The following SLC12A6 variants were observed in gnomAD, a reference collection of about 807,000 sequenced individuals.
The protein encoded by SLC12A6 is K-Cl cotransporter 3.
In SLC12A6, 66 loss-of-function variants were observed where a neutral mutation model predicts 135.3. That is an observed-to-expected ratio of 0.49 (90% CI 0.40 to 0.60). The LOEUF is 0.60. Among genes scored for constraint, SLC12A6 ranks in the 20% least tolerant of loss-of-function variants. The probability of loss-of-function intolerance (pLI) is 0.00; values close to 1 mark genes in which losing one functional copy is unlikely to be tolerated. For synonymous variants in SLC12A6, 513 were observed against 508.8 expected (o/e 1.01, Z -0.11); for missense variants, 1,058 against 1,452.3 (o/e 0.73, Z 4.41).
At chr15:34,259,000 T>G in intron 4 of SLC12A6, 56 bp from the exon 5 acceptor site, 1 of 1,423,936 alleles carries the variant, frequency 7.0e-7, no homozygotes, top group Non-Finnish European at 9.9e-7. Context: ...AACATAAGTA[T>G]CAAAATAATC....
At position 34,260,963 on chromosome 15, in the gene SLC12A6, CCTT is replaced by C; in HGVS notation, c.371_373del (p.Glu124del). The C allele has an allele frequency of 6.4e-7, 1 of 1,563,862 alleles. No homozygotes were observed. Among genetic ancestry groups the C allele is most frequent in the Non-Finnish European group, 8.8e-7 (1 of 1,134,374 alleles). ...CAAATTTTTATCAAAATATTCATCTCCTTCTTCATAATTGGAATTATTGAGATA... is the reference window on the plus strand; with the variant it reads ...CAAATTTTTATCAAAATATTCATCTCCTTCATAATTGGAATTATTGAGATA... On this transcript the variant is annotated inframe_deletion, in exon 4 of 26. Coordinates refer to ENST00000354181, the MANE Select transcript of SLC12A6 (RefSeq NM_001365088.1).
chr15:34,261,068 G>A (rs897456984), intron 3 of SLC12A6, 48 bp from the exon 4 acceptor site: 5 of 943,048 alleles, frequency 5.3e-6, no homozygotes, highest in Middle Eastern at 2.1e-4. Flanking sequence ...GGTTTCTGAC[G>A]AAGAAACATC....
chr15:34,264,621 G>A (rs1159452091), intron 3 of SLC12A6, among the ~76,000 whole-genome samples: 2 of 152,022 alleles, frequency 1.3e-5, no homozygotes, highest in East Asian at 1.9e-4. Flanking sequence ...AGGTAAAAAG[G>A]CATTTTTGAA....
At chr15:34,258,984 A>G (rs1306698005) in intron 4 of SLC12A6, 40 bp from the exon 5 acceptor site, 2 of 1,534,694 alleles carry the variant, frequency 1.3e-6, no homozygotes, top group African/African-American at 2.7e-5. Flanking sequence ...GCTACAAAGA[A>G]CACTGAACAT....
intron 16 of SLC12A6, 39 bp from the exon 17 acceptor site, chr15:34,242,260 C>A (rs1891693844): frequency 6.6e-7 from 1 of 1,508,022 alleles, no homozygotes; most frequent in South Asian, 1.1e-5. Context: ...TTTAAAGTAG[C>A]TGAAAAAGAA....
intron 23 of SLC12A6, 147 bp from the exon 24 acceptor site, chr15:34,236,346 C>T: frequency 1.4e-6 from 1 of 708,828 alleles, no homozygotes; most frequent in Non-Finnish European, 2.5e-6. Flanking sequence ...ATAGTATCAT[C>T]CCTTTTTTTT....
chr15:34,257,576 C>A, intron 6 of SLC12A6, 66 bp downstream of exon 6: 1 of 1,184,154 alleles, frequency 8.4e-7, no homozygotes, highest in South Asian at 1.2e-5. Context: ...CCAAAGAGGT[C>A]ATGTGCATCT....
In SLC12A6 at chr15:34,234,884, C is replaced by A. The variant is rs73388020; in HGVS notation, c.3361+297G>T. Among the ~76,000 whole-genome samples the A allele has an allele frequency of 0.17, 25,396 of 152,002 alleles. 2,204 individuals carry two copies. Among genetic ancestry groups the A allele is most frequent in the East Asian group, 0.31 (1,578 of 5,166 alleles). ...GCAAAGCGGGTAGAACCTAAAAAGG[C>A]GAAAGGATGTGGGTATGCTGTCTGT... On this transcript the variant is annotated intron_variant, in intron 25 of 25. Transcript: ENST00000354181.
chr15:34,242,047 C>T (rs2140669676), intron 17 of SLC12A6, 55 bp downstream of exon 17: 2 of 1,450,864 alleles, frequency 1.4e-6, no homozygotes, highest in Non-Finnish European at 1.9e-6. Flanking sequence ...TGGCTCTAAC[C>T]AAACTAGCTA....
At chr15:34,250,392 C>T in intron 12 of SLC12A6, 37 bp from the exon 13 acceptor site, 1 of 1,340,346 alleles carries the variant, frequency 7.5e-7, no homozygotes, top group East Asian at 2.3e-5. Flanking sequence ...GTTGTTTACC[C>T]TCTAACATGA....
rs144158165 is a variant in SLC12A6 at position 34,285,717 on chromosome 15, T to TATACACACACACACACACACA, written c.272-10329_272-10328insTGTGTGTGTGTGTGTGTGTAT. On this transcript the variant is annotated intron_variant, in intron 2 of 25. Transcript: ENST00000354181. ...ATGTGTGTGTGTGTGTGTGTGTTTG[T>TATACACACACACACACACACA]CATACATAAAATGGAATATTATTCA... Among the ~76,000 whole-genome samples the TATACACACACACACACACACA allele has an allele frequency of 8.8e-3, 1,154 of 131,034 alleles. 15 individuals carry two copies. The highest frequency in any genetic ancestry group is 0.025 in the African/African-American group (827 of 33,616). The allele number at this position is 131,034 out of a possible 152,430, so 86.0% of individuals were successfully genotyped here. A position where few individuals can be genotyped will look rare whatever the true frequency, so the allele number is the denominator to read the frequency against.
chr15:34,272,732 C>CTA (rs1894049963), intron 3 of SLC12A6, among the ~76,000 whole-genome samples: 1 of 152,190 alleles, frequency 6.6e-6, no homozygotes, highest in Non-Finnish European at 1.5e-5. Context: ...CTACAGTTCC[C>CTA]CAGGTATCCT....
chr15:34,261,956 G>A (rs2126420), intron 3 of SLC12A6, among the ~76,000 whole-genome samples: 65,628 of 152,084 alleles, frequency 0.43, 16,743 homozygotes, highest in African/African-American at 0.73. Context: ...AGATTCCTCA[G>A]AGAACTTAGA....
chr15:34,271,108 T>C (rs1346016364), intron 3 of SLC12A6, among the ~76,000 whole-genome samples: 1 of 151,988 alleles, frequency 6.6e-6, no homozygotes, highest in Non-Finnish European at 1.5e-5. Context: ...TCAAGATGAG[T>C]GGGGGGAGAC....
In SLC12A6 at chr15:34,233,926, T is replaced by C. The variant is rs1891082729; in HGVS notation, c.3408A>G (p.Leu1136=). ...EVLTEGLERV[L]LVRGGGSEVI... ...CTTCACTGCCACCACCCCGGACAAG[T>C]AGGACTCGCTCTAGTCCCTCGGTAA... The change falls in exon 26 of 26, where the codon CTA becomes CTG. Residue 1136 remains leucine (L), a synonymous_variant. Coordinates refer to ENST00000354181, the MANE Select transcript of SLC12A6 (RefSeq NM_001365088.1). The C allele has an allele frequency of 3.1e-6, 5 of 1,607,134 alleles. No homozygotes were observed. Among genetic ancestry groups the C allele is most frequent in the African/African-American group, 1.3e-5 (1 of 74,770 alleles).
Position 34,235,512 on chromosome 15 carries a change from G to A in SLC12A6, c.3228-198C>T, listed in dbSNP as rs111930900. ...TGCAATGGTACAATCTCAGCTCACAGCAACCTCCGCCTCCCAGGTTCAAGT... is the reference window on the plus strand; with the variant it reads ...TGCAATGGTACAATCTCAGCTCACAACAACCTCCGCCTCCCAGGTTCAAGT... On this transcript the variant is annotated intron_variant, in intron 24 of 25. Transcript: ENST00000354181. 0.11 allele frequency among the ~76,000 whole-genome samples: 16,439 copies of A among 147,212 alleles called. 1,005 individuals are homozygous for A. Among genetic ancestry groups the A allele is most frequent in the East Asian group, 0.3 (1,498 of 5,004 alleles).
intron 2 of SLC12A6, among the ~76,000 whole-genome samples, chr15:34,283,299 C>T (rs879489787): frequency 1.3e-5 from 2 of 152,074 alleles, no homozygotes; most frequent in African/African-American, 2.4e-5. Context: ...CCGGAGACTG[C>T]ACCATTGCAC....
intron 2 of SLC12A6, among the ~76,000 whole-genome samples, chr15:34,286,166 C>T (rs1379230481): frequency 6.6e-6 from 1 of 151,922 alleles, no homozygotes; most frequent in Non-Finnish European, 1.5e-5. Context: ...CGCCGCCTCC[C>T]GGGTTCAAGC....
At chr15:34,249,899 TAACTC>T (rs1374097884) in intron 13 of SLC12A6, among the ~76,000 whole-genome samples, 1 of 152,186 alleles carries the variant, frequency 6.6e-6, no homozygotes, top group Non-Finnish European at 1.5e-5. Flanking sequence ...TCATGATTGA[TAACTC>T]AGGTTGGGTT....
Sources: gnomAD v4.1 joint callset for allele counts (sites outside exome capture counted in the v4.1 genomes callset) on GRCh38, gnomAD v4.1.1 for gene constraint, MANE v1.5 for transcripts, NCBI Gene and HGNC (gene_info 2026-07-23, HGNC 2026-07-21) for gene names.